The following ITSN1 variants were observed in gnomAD, a reference collection of about 807,000 sequenced individuals.
The protein encoded by ITSN1 is intersectin-1.
ITSN1 carries 58 observed loss-of-function variants against 239.8 expected under a neutral mutation model. That is an observed-to-expected ratio of 0.24 (90% CI 0.20 to 0.30). The LOEUF (loss-of-function observed/expected upper bound fraction) is 0.30, where lower values mean the gene tolerates loss of function less well. Among genes scored for constraint, ITSN1 ranks in the 10% least tolerant of loss-of-function variants. ITSN1 has a pLI of 1.00. For synonymous variants in ITSN1, 780 were observed against 770.8 expected, an observed-to-expected ratio of 1.01 and a Z score of -0.20; for missense variants, 1,558 against 2,103.3, an observed-to-expected ratio of 0.74 and a Z score of 5.07.
intron 21 of ITSN1, among the ~76,000 whole-genome samples, chr21:33,813,238 T>TG (rs1462602308): frequency 1.3e-5 from 2 of 152,142 alleles, no homozygotes; most frequent in Non-Finnish European, 2.9e-5. Context: ...TGGAGTGCAG[T>TG]GGCGTGATCT....
rs190102708 is a variant in ITSN1 at position 33,800,011 on chromosome 21, G to A, written c.2304+82G>A. ...TTTTTTCACTTTATTCAACAATTGT[G>A]AGATTGTCAGTGAGTATGAAACCCA... On this transcript the variant is annotated intron_variant, in intron 19 of 39. Coordinates refer to ENST00000381318, the MANE Select transcript of ITSN1 (RefSeq NM_003024.3). 81 of 1,407,780 alleles carry A rather than the reference G, an allele frequency of 5.8e-5. No homozygotes were observed. In the African/African-American group the frequency reaches 9.9e-4, roughly 17 times the overall value. The allele number at this position is 1,407,780 out of a possible 1,614,324, so 87.2% of individuals were successfully genotyped here. A position where few individuals can be genotyped will look rare whatever the true frequency, so the allele number is the denominator to read the frequency against.
Position 33,865,143 on chromosome 21 carries a change from C to G in ITSN1, c.3891-8C>G. On this transcript the variant is annotated splice_region_variant and splice_polypyrimidine_tract_variant and intron_variant, in intron 31 of 39. Coordinates refer to ENST00000381318, the MANE Select transcript of ITSN1 (RefSeq NM_003024.3). The surrounding 1 kb of genome is among the most constrained non-coding windows in gnomAD (Gnocchi z 4.4). ...AGCAGGGGGCTCACCTCCCGTGTTT[C>G]CGTGCAGAGCGCTGAGAGTCCGCAA... 6.2e-7 allele frequency: 1 copy of G among 1,608,242 alleles called. No individual in the cohort carries two copies. Among genetic ancestry groups the G allele is most frequent in the Non-Finnish European group, 8.5e-7 (1 of 1,176,298 alleles).
chr21:33,852,547 G>T (rs954060230), intron 29 of ITSN1, among the ~76,000 whole-genome samples: 7 of 151,616 alleles, frequency 4.6e-5, no homozygotes, highest in Non-Finnish European at 8.8e-5. Context: ...TTTTTTCCCC[G>T]TGATTTTCTC....
intron 16 of ITSN1, among the ~76,000 whole-genome samples, chr21:33,782,711 T>G (rs2070298389): frequency 6.6e-6 from 1 of 152,176 alleles, no homozygotes; most frequent in Admixed American, 6.5e-5. Context: ...GATTTAACTT[T>G]ACAACTGTAT....
At chr21:33,808,410 C>T (rs1473271154) in intron 20 of ITSN1, among the ~76,000 whole-genome samples, 1 of 152,026 alleles carries the variant, frequency 6.6e-6, no homozygotes, top group Non-Finnish European at 1.5e-5. Flanking sequence ...TATGGTGAAA[C>T]CCCATGTCTA....
chr21:33,762,135 T>C, intron 9 of ITSN1, 149 bp downstream of exon 9: 1 of 655,150 alleles, frequency 1.5e-6, no homozygotes, highest in Non-Finnish European at 2.8e-6. Flanking sequence ...GCCTCTTTTA[T>C]AATACTATTT....
At chr21:33,832,069 G>A (rs534115296) in intron 27 of ITSN1, among the ~76,000 whole-genome samples, 26 of 152,178 alleles carry the variant, frequency 1.7e-4, no homozygotes, top group Middle Eastern at 3.4e-3. Context: ...GGCTTCCTGC[G>A]GGGCCCCTCT....
At chr21:33,758,395 G>A (rs1051075378) in intron 8 of ITSN1, among the ~76,000 whole-genome samples, 4 of 152,188 alleles carry the variant, frequency 2.6e-5, no homozygotes, top group African/African-American at 9.6e-5. Context: ...GATTATAGGC[G>A]TGAGCCACCG....
chr21:33,823,170 A>T (rs1602450503), intron 24 of ITSN1, among the ~76,000 whole-genome samples: 2 of 152,362 alleles, frequency 1.3e-5, no homozygotes, highest in South Asian at 2.1e-4. Context: ...ATTTTCATTC[A>T]AAAAGAAATC....
intron 33 of ITSN1, among the ~76,000 whole-genome samples, chr21:33,873,662 G>A (rs1030842013): frequency 5.9e-5 from 9 of 152,124 alleles, no homozygotes; most frequent in African/African-American, 2.2e-4. Context: ...CTTGAGGCCA[G>A]GAGTTTGAGA....
chr21:33,873,696 C>T (rs1298642827), intron 33 of ITSN1, among the ~76,000 whole-genome samples: 1 of 151,678 alleles, frequency 6.6e-6, no homozygotes, highest in Non-Finnish European at 1.5e-5. Flanking sequence ...CATGGCGAGA[C>T]CCCCGTCTCC....
intron 29 of ITSN1, among the ~76,000 whole-genome samples, chr21:33,839,635 C>T (rs1351862993): frequency 6.6e-6 from 1 of 152,168 alleles, no homozygotes; most frequent in Non-Finnish European, 1.5e-5. Context: ...TTGAGTTTGG[C>T]TGGAAGGGAT....
rs1180573036 is a variant in ITSN1, at chr21:33,811,186, C to T, written c.2531C>T (p.Ser844Phe). The T allele has an allele frequency of 6.2e-7, 1 of 1,608,878 alleles. No individual in the cohort carries two copies. Among genetic ancestry groups the T allele is most frequent in the South Asian group, 1.1e-5 (1 of 90,846 alleles). ...TTGGCAGTAACCTCTTCAGAGCCCT[C>T]CACGACCCCTAATAACTGGGCCGAC... Reference protein sequence around the residue: ...APLAVTSSEPSTTPNNWADFS... With the variant: ...APLAVTSSEPFTTPNNWADFS... The change falls in exon 21 of 40, where the codon TCC becomes TTC. Residue 844 changes from serine (S) to phenylalanine (F), a missense_variant. Ser to Phe is a radical substitution (Grantham distance 155). Coordinates refer to ENST00000381318, the MANE Select transcript of ITSN1 (RefSeq NM_003024.3).
intron 1 of ITSN1, among the ~76,000 whole-genome samples, chr21:33,671,249 G>A (rs951819503): frequency 2.6e-5 from 4 of 152,058 alleles, no homozygotes; most frequent in African/African-American, 7.2e-5. Flanking sequence ...TAAGAACACT[G>A]ATAAGTGGAA....
intron 20 of ITSN1, among the ~76,000 whole-genome samples, chr21:33,805,639 C>T (rs1693454787): frequency 6.6e-6 from 1 of 152,032 alleles, no homozygotes; most frequent in South Asian, 2.1e-4. Context: ...TTGCCAGCCT[C>T]CAGGTTGGAG....
In ITSN1 at chr21:33,717,187, C is replaced by CT. The variant is rs879597417; in HGVS notation, c.-32-1597dup. On this transcript the variant is annotated intron_variant, in intron 1 of 39. Coordinates refer to ENST00000381318, the MANE Select transcript of ITSN1 (RefSeq NM_003024.3). ...AATCTGTGAGTATTTAGTACTCATT[C>CT]TTTTTTTTTTTTTAATTTTTGTTTT... is the stretch of plus-strand genomic sequence containing the variant. Among the ~76,000 whole-genome samples the CT allele has an allele frequency of 2.6e-3, 374 of 141,560 alleles. 1 individual carries two copies. The highest frequency in any genetic ancestry group is 6.7e-3 in the African/African-American group (258 of 38,758). The allele number at this position is 141,560 out of a possible 152,430, so 92.9% of individuals were successfully genotyped here.
At chr21:33,807,182 G>A (rs183894679) in intron 20 of ITSN1, among the ~76,000 whole-genome samples, 1 of 152,188 alleles carries the variant, frequency 6.6e-6, no homozygotes, top group African/African-American at 2.4e-5. Flanking sequence ...GTTATCCTTA[G>A]GGATGGGAGA....
At chr21:33,791,044 T>C (rs2071087167) in intron 16 of ITSN1, among the ~76,000 whole-genome samples, 1 of 152,250 alleles carries the variant, frequency 6.6e-6, no homozygotes, top group Non-Finnish European at 1.5e-5. Context: ...ATTCACTCAT[T>C]TTTTTAAGAG....
chr21:33,682,929 T>C (rs1228515671), intron 1 of ITSN1, among the ~76,000 whole-genome samples: 1 of 152,204 alleles, frequency 6.6e-6, no homozygotes, highest in African/African-American at 2.4e-5. Flanking sequence ...CAATCGGCAG[T>C]TGTAAAGGTC....
Sources: gnomAD v4.1 joint callset for allele counts (sites outside exome capture counted in the v4.1 genomes callset) on GRCh38, gnomAD v4.1.1 for gene constraint, Gnocchi (gnomAD v3.1) non-coding constraint, MANE v1.5 for transcripts, NCBI Gene and HGNC (gene_info 2026-07-23, HGNC 2026-07-21) for gene names.